Variants in SPON1 observed in about 807,000 individuals in gnomAD.
SPON1 encodes spondin 1.
A neutral mutation model predicts 111.7 loss-of-function variants in SPON1; 52 were observed. The observed-to-expected ratio is 0.47, with a 90% confidence interval of 0.37 to 0.59. The LOEUF (loss-of-function observed/expected upper bound fraction) is 0.59, where lower values mean the gene tolerates loss of function less well. Among genes scored for constraint, SPON1 ranks in the 20% least tolerant of loss-of-function variants. SPON1 has a pLI of 0.00. For synonymous variants in SPON1, 410 were observed against 395.8 expected (o/e 1.04, Z -0.43); for missense variants, 957 against 1,068.5 (o/e 0.90, Z 1.46).
chr11:13,982,933 G>C lies in SPON1; in HGVS notation c.325G>C (p.Asp109His). ...RENREGDKEE[D>H]HAGTFQIIDE... Reference sequence around the variant, plus strand: ...GAACAGAGAGGGTGATAAGGAAGAAGACCATGCTGGGACCTTCCAGGTAAG... The same window carrying C: ...GAACAGAGAGGGTGATAAGGAAGAACACCATGCTGGGACCTTCCAGGTAAG... The change falls in exon 2 of 16, where the codon GAC (aspartate) becomes CAC (histidine). Residue 109 changes from aspartate to histidine, a missense_variant. By Grantham distance (81) the Asp-to-His change is moderately conservative. This residue lies in a region of SPON1 where 262 missense variants were observed against 253.9 expected (regional missense o/e 1.03). Transcript: ENST00000576479. 6.4e-7 allele frequency: 1 copy of C among 1,554,864 alleles called. No individual in the cohort carries two copies. The highest frequency in any genetic ancestry group is 8.7e-7 in the Non-Finnish European group (1 of 1,148,124).
At chr11:14,079,776 T>C in intron 4 of SPON1, 123 bp from the exon 5 acceptor site, 1 of 1,015,884 alleles carries the variant, frequency 9.8e-7, no homozygotes. Flanking sequence ...CTAAGTCTTA[T>C]TAACTAATGA....
intron 6 of SPON1, among the ~76,000 whole-genome samples, chr11:14,197,055 T>C (rs1848410146): frequency 6.6e-6 from 1 of 151,988 alleles, no homozygotes; most frequent in Non-Finnish European, 1.5e-5. Context: ...GTCTCAAAAA[T>C]AACTAAATAA....
intron 14 of SPON1, 79 bp from the exon 15 acceptor site, chr11:14,262,630 CTTG>C (rs1205854425): frequency 4.5e-6 from 7 of 1,553,430 alleles, no homozygotes; most frequent in Middle Eastern, 1.7e-4. Context: ...CCCTCATAGG[CTTG>C]TTGAGATGTT....
intron 3 of SPON1, among the ~76,000 whole-genome samples, chr11:14,056,743 T>G (rs537575407): frequency 6.6e-6 from 1 of 151,856 alleles, no homozygotes; most frequent in South Asian, 2.1e-4. Flanking sequence ...ACAAAAAAAT[T>G]AGCCAGGCGT....
intron 1 of SPON1, among the ~76,000 whole-genome samples, chr11:13,969,980 G>A (rs1190923791): frequency 1.3e-5 from 2 of 152,166 alleles, no homozygotes; most frequent in Non-Finnish European, 2.9e-5. Context: ...GCTCACTCAG[G>A]CACATGCATG....
intron 2 of SPON1, among the ~76,000 whole-genome samples, chr11:13,995,346 G>C (rs930586111): frequency 6.6e-6 from 1 of 152,094 alleles, no homozygotes. Flanking sequence ...CCTGAGACTG[G>C]GTAGTTTATA....
chr11:14,240,435 G>A (rs1848912922), intron 6 of SPON1, among the ~76,000 whole-genome samples: 1 of 152,180 alleles, frequency 6.6e-6, no homozygotes, highest in Non-Finnish European at 1.5e-5. Context: ...TTTACAGCAG[G>A]AAGCTGTCAT....
At chr11:14,236,328 G>C (rs1554939229) in intron 6 of SPON1, among the ~76,000 whole-genome samples, 1 of 152,100 alleles carries the variant, frequency 6.6e-6, no homozygotes. Flanking sequence ...GGGTGGGAGA[G>C]AAAGAGGCAT....
intron 6 of SPON1, among the ~76,000 whole-genome samples, chr11:14,161,649 A>G (rs1847966897): frequency 1.3e-5 from 2 of 152,036 alleles, no homozygotes; most frequent in South Asian, 4.1e-4. Context: ...AAGTTGGGCA[A>G]AATTATCAAA....
chr11:14,231,979 GTGTGTGTGTGTTTGTCTC>G (rs1554938806), intron 6 of SPON1, among the ~76,000 whole-genome samples: 2 of 151,706 alleles, frequency 1.3e-5, no homozygotes, highest in Admixed American at 6.6e-5. Flanking sequence ...CGCCGTGTGT[GTGTGTGTGTGTTTGTCTC>G]TGTGTGTGTG....
chr11:14,123,332 T>G (rs1554926705), intron 5 of SPON1, among the ~76,000 whole-genome samples: 1 of 152,174 alleles, frequency 6.6e-6, no homozygotes, highest in East Asian at 1.9e-4. Flanking sequence ...AAATGGTTAA[T>G]TTACTGATGG....
At chr11:13,992,472 C>T (rs1848238535) in intron 2 of SPON1, among the ~76,000 whole-genome samples, 1 of 152,188 alleles carries the variant, frequency 6.6e-6, no homozygotes, top group South Asian at 2.1e-4. Context: ...AATTTCAAGC[C>T]AGTGGATCTT....
chr11:14,028,372 G>T (rs1564888986), intron 2 of SPON1, among the ~76,000 whole-genome samples: 1 of 151,812 alleles, frequency 6.6e-6, no homozygotes, highest in East Asian at 1.9e-4. Context: ...TGTGGTCCTA[G>T]CTACTAGATA....
chr11:14,267,694 C>T lies in SPON1; in HGVS notation c.*2007C>T, dbSNP rs1270492376. ...TTGTTGGATTGTTATTTTTTGTTTG[C>T]AATGGGGAATTTATAAGAAGCATCA... On this transcript the variant is annotated 3_prime_UTR_variant, in exon 16 of 16. Coordinates refer to ENST00000576479, the MANE Select transcript of SPON1 (RefSeq NM_006108.4). 2.0e-5 allele frequency: 3 copies of T among 152,124 alleles called. No homozygotes were observed. Among genetic ancestry groups the T allele is most frequent in the African/African-American group, 4.8e-5 (2 of 41,418 alleles). 9.4% of individuals were successfully genotyped at this position (152,124 alleles called of 1,614,324 possible).
At chr11:14,214,291 A>G (rs1554936966) in intron 6 of SPON1, among the ~76,000 whole-genome samples, 1 of 152,118 alleles carries the variant, frequency 6.6e-6, no homozygotes, top group East Asian at 1.9e-4. Flanking sequence ...TGTGTTATCC[A>G]CCCAGGAGTT....
intron 3 of SPON1, among the ~76,000 whole-genome samples, chr11:14,043,692 C>G (rs1848648166): frequency 6.6e-6 from 1 of 152,068 alleles, no homozygotes; most frequent in African/African-American, 2.4e-5. Flanking sequence ...AGCTCTCATC[C>G]CTCTGGCCCA....
chr11:14,084,938 A>C (rs894017276), intron 5 of SPON1, among the ~76,000 whole-genome samples: 1 of 152,182 alleles, frequency 6.6e-6, no homozygotes, highest in Non-Finnish European at 1.5e-5. Context: ...TTGGCCACAT[A>C]AATGTCTTCT....
intron 2 of SPON1, among the ~76,000 whole-genome samples, chr11:14,025,368 A>G (rs1245693390): frequency 6.6e-6 from 1 of 152,254 alleles, no homozygotes; most frequent in Non-Finnish European, 1.5e-5. Context: ...TCAAGTATAT[A>G]TGATGTGCCA....
chr11:14,134,103 G>A (rs1230862216), intron 5 of SPON1, among the ~76,000 whole-genome samples: 1 of 150,788 alleles, frequency 6.6e-6, no homozygotes, highest in African/African-American at 2.4e-5. Context: ...GGGGTGAAGA[G>A]TTCTGCCCAC....
Sources: gnomAD v4.1 joint callset for allele counts (sites outside exome capture counted in the v4.1 genomes callset) on GRCh38, gnomAD v4.1.1 for gene constraint, gnomAD v4.1.1 regional missense constraint, MANE v1.5 for transcripts, NCBI Gene and HGNC (gene_info 2026-07-23, HGNC 2026-07-21) for gene names.